The following MAP3K9 variants were observed in gnomAD, a reference collection of about 807,000 sequenced individuals.
The protein encoded by MAP3K9 is mixed lineage kinase 1 (tyr and ser/thr specificity).
MAP3K9 carries 46 observed loss-of-function variants against 95.8 expected under a neutral mutation model. That is an observed-to-expected ratio of 0.48 (90% confidence interval 0.38 to 0.61). The LOEUF (loss-of-function observed/expected upper bound fraction) is 0.61. Ranked by LOEUF, MAP3K9 falls within the 20% of genes least tolerant of loss-of-function variation. The pLI, the probability that MAP3K9 is intolerant of heterozygous loss-of-function variation, is 0.00. For missense variants in MAP3K9, 1,296 were observed against 1,474.3 expected (o/e 0.88, Z 1.98); for synonymous variants, 533 against 593.8 (o/e 0.90, Z 1.49).
chr14:70,747,262 G>A (rs1227047579), intron 5 of MAP3K9, among the ~76,000 whole-genome samples: 1 of 152,168 alleles, frequency 6.6e-6, no homozygotes, highest in Non-Finnish European at 1.5e-5. Context: ...GGAGATAATT[G>A]AATCATGGGG....
intron 5 of MAP3K9, 99 bp downstream of exon 5, chr14:70,748,730 A>G: frequency 2.3e-6 from 2 of 876,912 alleles, no homozygotes; most frequent in Non-Finnish European, 3.5e-6. Flanking sequence ...ATGGTCAGTC[A>G]GACTCGGTCC....
intron 1 of MAP3K9, among the ~76,000 whole-genome samples, chr14:70,802,467 G>A (rs536012769): frequency 1.3e-5 from 2 of 152,308 alleles, no homozygotes; most frequent in South Asian, 4.1e-4. Context: ...AATAATAGCT[G>A]CCAGTGATTA....
chr14:70,808,713 C>A, intron 1 of MAP3K9, 53 bp downstream of exon 1: 6 of 1,181,990 alleles, frequency 5.1e-6, no homozygotes, highest in Non-Finnish European at 6.5e-6. Flanking sequence ...TCCCCGACCG[C>A]CCCCCAGGCC....
chr14:70,764,611 G>A (rs1284491234), intron 2 of MAP3K9, among the ~76,000 whole-genome samples: 4 of 151,342 alleles, frequency 2.6e-5, no homozygotes, highest in East Asian at 2.0e-4. Context: ...TGGGAGGATC[G>A]TTTGAGCCCA....
chr14:70,741,878 T>C (rs1245226982), intron 6 of MAP3K9, among the ~76,000 whole-genome samples: 1 of 151,872 alleles, frequency 6.6e-6, no homozygotes, highest in African/African-American at 2.4e-5. Context: ...ACCGGGGAGG[T>C]GGAGGTTGCA....
intron 5 of MAP3K9, among the ~76,000 whole-genome samples, chr14:70,745,730 T>A (rs2054137850): frequency 6.6e-6 from 1 of 150,576 alleles, no homozygotes; most frequent in South Asian, 2.1e-4. Flanking sequence ...AGAGCAAGAC[T>A]CTGTCTCAAA....
At position 70,804,322 on chromosome 14, in the gene MAP3K9, A is replaced by G. The variant is rs1044292260; in HGVS notation, c.407-3242T>C. ...AATAGCTTGAGAGTTTCTGAGCCCC[A>G]GAATGAATCCAGACTTATTACTAAC... On this transcript the variant is annotated intron_variant, in intron 1 of 11. Transcript: ENST00000554752. 7.9e-5 allele frequency among the ~76,000 whole-genome samples: 12 copies of G among 152,350 alleles called. No homozygotes were observed. In the East Asian group the frequency reaches 2.1e-3, roughly 27 times the overall value.
At chr14:70,804,483 C>T (rs556487747) in intron 1 of MAP3K9, among the ~76,000 whole-genome samples, 1 of 152,236 alleles carries the variant, frequency 6.6e-6, no homozygotes, top group South Asian at 2.1e-4. Context: ...TTTCTAGCAG[C>T]TTTTACACAT....
At chr14:70,795,800 C>T (rs1406830110) in intron 2 of MAP3K9, among the ~76,000 whole-genome samples, 1 of 151,396 alleles carries the variant, frequency 6.6e-6, no homozygotes, top group East Asian at 1.9e-4. Flanking sequence ...TCTCTGTCAC[C>T]CAGGCTGGAG....
Position 70,723,943 on chromosome 14 carries a change from G to A in MAP3K9, c.*6437C>T, listed in dbSNP as rs1324226701. 1 of 152,234 alleles carries A rather than the reference G, an allele frequency of 6.6e-6. No individual in the cohort carries two copies. The highest frequency in any genetic ancestry group is 2.4e-5 in the African/African-American group (1 of 41,440). The allele number at this position is 152,234 out of a possible 1,614,324, so 9.4% of individuals were successfully genotyped here. A position where few individuals can be genotyped will look rare whatever the true frequency, so the allele number is the denominator to read the frequency against. ...TAAACGATGAGAATGAAATAAAGAT[G>A]ACAGAGGATGAGGAGGGTGGTGGAA... On this transcript the variant is annotated 3_prime_UTR_variant, in exon 12 of 12. Coordinates refer to ENST00000554752, the MANE Select transcript of MAP3K9 (RefSeq NM_001284230.2).
chr14:70,747,006 A>G (rs574265567), intron 5 of MAP3K9, among the ~76,000 whole-genome samples: 10 of 152,334 alleles, frequency 6.6e-5, no homozygotes, highest in Admixed American at 3.9e-4. Context: ...CAGGGACCCT[A>G]AAGAGTCATT....
intron 3 of MAP3K9, among the ~76,000 whole-genome samples, chr14:70,753,541 T>G (rs994479843): frequency 1.3e-5 from 2 of 152,170 alleles, no homozygotes; most frequent in African/African-American, 2.4e-5. Flanking sequence ...GAAGTTGATG[T>G]GATTTACCTC....
intron 5 of MAP3K9, among the ~76,000 whole-genome samples, chr14:70,743,765 A>C (rs189426906): frequency 5.8e-4 from 89 of 152,316 alleles, no homozygotes; most frequent in African/African-American, 2.1e-3. Flanking sequence ...TGGGAGTGTA[A>C]ATTAGTTCAA....
At chr14:70,794,730 T>C (rs907043961) in intron 2 of MAP3K9, among the ~76,000 whole-genome samples, 10 of 151,674 alleles carry the variant, frequency 6.6e-5, no homozygotes, top group African/African-American at 2.4e-4. Flanking sequence ...CAGGCTGGAG[T>C]GCAGTGATGC....
At chr14:70,806,551 C>CA (rs1289889882) in intron 1 of MAP3K9, among the ~76,000 whole-genome samples, 1 of 152,218 alleles carries the variant, frequency 6.6e-6, no homozygotes, top group Admixed American at 6.5e-5. Flanking sequence ...CCTACTTTCT[C>CA]AACATCTGGG....
chr14:70,742,911 T>TTATATATATATATATATATATATA (rs3081458), intron 5 of MAP3K9, among the ~76,000 whole-genome samples: 2 of 143,114 alleles, frequency 1.4e-5, no homozygotes, highest in African/African-American at 5.2e-5. Flanking sequence ...TTATATATAT[T>TTATATATATATATATATATATATA]TATATATATA....
At position 70,730,791 on chromosome 14, in the gene MAP3K9, G is replaced by A. The variant is rs1454299716; in HGVS notation, c.2904C>T (p.Phe968=). ...TGTTCCAGCGCCTTGGGGTTGGGGG[G>A]AAGACCACATTGGGGTCAGGGAGAC... ...FPRLPDPNVV[F]PPTPRRWNTQ... The change falls in exon 12 of 12, where the codon TTC becomes TTT. Residue 968 remains phenylalanine (F), a synonymous_variant. Coordinates refer to ENST00000554752, the MANE Select transcript of MAP3K9 (RefSeq NM_001284230.2). 6.2e-7 allele frequency: 1 copy of A among 1,613,466 alleles called. No individual in the cohort carries two copies. Among genetic ancestry groups the A allele is most frequent in the Non-Finnish European group, 8.5e-7 (1 of 1,179,996 alleles).
intron 2 of MAP3K9, among the ~76,000 whole-genome samples, chr14:70,768,107 T>C (rs1234832347): frequency 1.3e-5 from 2 of 152,172 alleles, no homozygotes; most frequent in African/African-American, 4.8e-5. Context: ...AGGGTGACTA[T>C]AGTCAAAATA....
At chr14:70,806,458 A>G (rs74065439) in intron 1 of MAP3K9, among the ~76,000 whole-genome samples, 2,592 of 152,316 alleles carry the variant, frequency 0.017, 83 homozygotes, top group African/African-American at 0.059. Flanking sequence ...CAGAACTCCT[A>G]GTGAGGCCAA....
Sources: allele counts gnomAD v4.1 joint callset (sites outside exome capture counted in the v4.1 genomes callset), GRCh38; gene constraint gnomAD v4.1.1; transcripts MANE v1.5; gene names NCBI Gene and HGNC (gene_info 2026-07-23, HGNC 2026-07-21).